KANSL2: variants seen among roughly 807,000 people sequenced by gnomAD.
The protein encoded by KANSL2 is KAT8 regulatory NSL complex subunit 2.
In KANSL2, 34 loss-of-function variants were observed where a neutral mutation model predicts 55.6. The ratio of observed to expected loss-of-function variants is 0.61; its 90% CI spans 0.46 to 0.81. KANSL2 has a LOEUF of 0.81. Among genes scored for constraint, KANSL2 ranks in the 40% least tolerant of loss-of-function variants. KANSL2 has a pLI of 0.00. For missense variants in KANSL2, 502 were observed against 609.9 expected (o/e 0.82, Z 1.86); for synonymous variants, 209 against 214.3 (o/e 0.98, Z 0.22).
intron 2 of KANSL2, among the ~76,000 whole-genome samples, chr12:48,680,320 T>C (rs1200887424): frequency 6.6e-6 from 1 of 152,056 alleles, no homozygotes; most frequent in Admixed American, 6.6e-5. Flanking sequence ...GCCTCCCAAG[T>C]AGTGGGGACT....
Position 48,654,036 on chromosome 12 carries a change from C to T in KANSL2, c.*8G>A. ...AAATCCACCAAAGTAAAATGGTTCC[C>T]CAAACTATCAACTAATAGAAGTGGG... is the stretch of plus-strand genomic sequence containing the variant. On this transcript the variant is annotated 3_prime_UTR_variant, in exon 10 of 10. Transcript: ENST00000420613. 1 of 1,567,406 alleles carries T rather than the reference C, an allele frequency of 6.4e-7. No individual in the cohort carries two copies. Among genetic ancestry groups the T allele is most frequent in the African/African-American group, 1.4e-5 (1 of 72,574 alleles).
intron 7 of KANSL2, 177 bp downstream of exon 7, chr12:48,667,516 A>G (rs1325110409): frequency 4.1e-6 from 3 of 736,350 alleles, no homozygotes; most frequent in Non-Finnish European, 7.5e-6. Context: ...TGGCCAACAG[A>G]CCATAGAAAG....
chr12:48,665,168 ATC>A (rs978215639), intron 7 of KANSL2, among the ~76,000 whole-genome samples: 1 of 152,148 alleles, frequency 6.6e-6, no homozygotes, highest in Non-Finnish European at 1.5e-5. Flanking sequence ...CTTATCAGAC[ATC>A]TGTTGTAATT....
chr12:48,666,128 C>T (rs577644876), intron 7 of KANSL2, among the ~76,000 whole-genome samples: 1 of 151,954 alleles, frequency 6.6e-6, no homozygotes, highest in South Asian at 2.1e-4. Context: ...GTGGGAAGAT[C>T]GTTTAAGCCC....
At chr12:48,666,794 T>C (rs1939609491) in intron 7 of KANSL2, among the ~76,000 whole-genome samples, 2 of 151,948 alleles carry the variant, frequency 1.3e-5, no homozygotes, top group South Asian at 4.1e-4. Context: ...GGAGAATTGC[T>C]TGACCCAGGA....
intron 4 of KANSL2, among the ~76,000 whole-genome samples, chr12:48,677,266 C>T (rs1038880737): frequency 6.6e-6 from 1 of 152,160 alleles, no homozygotes; most frequent in Admixed American, 6.5e-5. Context: ...TTGTATTTCT[C>T]ATAAAATGAC....
chr12:48,670,823 G>A (rs901135279), intron 5 of KANSL2, among the ~76,000 whole-genome samples: 4 of 151,916 alleles, frequency 2.6e-5, no homozygotes, highest in Non-Finnish European at 1.5e-5. Context: ...TTAAAAATTA[G>A]CTGAGTGTGG....
chr12:48,676,390 C>T (rs758519178), intron 4 of KANSL2, among the ~76,000 whole-genome samples: 2 of 152,058 alleles, frequency 1.3e-5, no homozygotes, highest in Non-Finnish European at 2.9e-5. Context: ...ACTGGGCGCA[C>T]TGGTTCGTCC....
intron 2 of KANSL2, 81 bp from the exon 3 acceptor site, chr12:48,679,914 C>G: frequency 8.4e-7 from 1 of 1,188,072 alleles, no homozygotes; most frequent in Non-Finnish European, 1.2e-6. Flanking sequence ...ATCTTTAAAT[C>G]ATTTTTAGGG....
chr12:48,660,643 A>C (rs1273553133), intron 7 of KANSL2, 24 bp from the exon 8 acceptor site: 1 of 1,601,882 alleles, frequency 6.2e-7, no homozygotes, highest in Non-Finnish European at 8.5e-7. Context: ...GTCAAGGGAA[A>C]TAAAACACAA....
At chr12:48,668,661 T>G (rs1247221013) in intron 6 of KANSL2, among the ~76,000 whole-genome samples, 1 of 151,936 alleles carries the variant, frequency 6.6e-6, no homozygotes, top group East Asian at 1.9e-4. Context: ...ACGGCGCCAT[T>G]GCACTCCAGC....
rs1939328881 is a variant in KANSL2 at position 48,653,985 on chromosome 12, A to C, written c.*59T>G. The C allele has an allele frequency of 6.7e-7, 1 of 1,488,908 alleles. No homozygotes were observed. Among genetic ancestry groups the C allele is most frequent in the Non-Finnish European group, 9.0e-7 (1 of 1,111,944 alleles). The allele number at this position is 1,488,908 out of a possible 1,614,324, so 92.2% of individuals were successfully genotyped here. Reference sequence around the variant, plus strand: ...TGTGTTTTGTGAGAGATGATCAGAAATACTTCTTTGAAGAACGAGAAATTT... The same window carrying C: ...TGTGTTTTGTGAGAGATGATCAGAACTACTTCTTTGAAGAACGAGAAATTT... On this transcript the variant is annotated 3_prime_UTR_variant, in exon 10 of 10. Transcript: ENST00000420613.
intron 7 of KANSL2, chr12:48,662,452 T>G: frequency 9.6e-7 from 1 of 1,046,380 alleles, no homozygotes; most frequent in Non-Finnish European, 1.2e-6. Context: ...AAGTCTCTTA[T>G]GTATTTAATA....
At chr12:48,658,187 C>T (rs147171708) in intron 8 of KANSL2, among the ~76,000 whole-genome samples, 1,900 of 151,890 alleles carry the variant, frequency 0.013, 39 homozygotes, top group African/African-American at 0.044. Flanking sequence ...GCCGAGATCA[C>T]GCCAATGCAC....
At chr12:48,654,804 G>T in intron 9 of KANSL2, 137 bp downstream of exon 9, 1 of 857,128 alleles carries the variant, frequency 1.2e-6, no homozygotes, top group Non-Finnish European at 1.8e-6. Flanking sequence ...TATTCAATAA[G>T]TGAGAGACAT....
In KANSL2 at chr12:48,656,233, A is replaced by C. The variant is rs147154638; in HGVS notation, c.1228-1173T>G. 2.6e-3 allele frequency among the ~76,000 whole-genome samples: 398 copies of C among 151,990 alleles called. 1 individual carries two copies. The highest frequency in any genetic ancestry group is 9.2e-3 in the African/African-American group (383 of 41,486). The stretch of plus-strand genomic sequence containing the variant: ...ATGGCTAGGAAATATTATTTTGGTT[A>C]AGTCCCTATCCCGACAGAGCAACAA... On this transcript the variant is annotated intron_variant, in intron 8 of 9. Coordinates refer to ENST00000420613, the MANE Select transcript of KANSL2 (RefSeq NM_017822.4).
intron 4 of KANSL2, among the ~76,000 whole-genome samples, chr12:48,677,073 A>T (rs1939834800): frequency 6.6e-6 from 1 of 152,228 alleles, no homozygotes; most frequent in Non-Finnish European, 1.5e-5. Flanking sequence ...CTCTATTTAC[A>T]TGCCTAAAAA....
At chr12:48,659,073 C>A (rs1939443169) in intron 8 of KANSL2, among the ~76,000 whole-genome samples, 1 of 152,016 alleles carries the variant, frequency 6.6e-6, no homozygotes. Context: ...GTGGGTGGGT[C>A]ACTTGAGGCC....
At chr12:48,663,536 A>G (rs959311016) in intron 7 of KANSL2, among the ~76,000 whole-genome samples, 2 of 152,042 alleles carry the variant, frequency 1.3e-5, no homozygotes, top group South Asian at 4.1e-4. Flanking sequence ...TGCCTCTGTC[A>G]TCCCACAGAC....
Sources: gnomAD v4.1 joint callset for allele counts (sites outside exome capture counted in the v4.1 genomes callset) on GRCh38, gnomAD v4.1.1 for gene constraint, MANE v1.5 for transcripts, NCBI Gene and HGNC (gene_info 2026-07-23, HGNC 2026-07-21) for gene names.